SATB1: variants seen among roughly 807,000 people sequenced by gnomAD.
SATB1 encodes the protein SATB homeobox 1.
A neutral mutation model predicts 86.9 loss-of-function variants in SATB1; 11 were observed. That is an observed-to-expected ratio of 0.13 (90% CI 0.08 to 0.21). The LOEUF (loss-of-function observed/expected upper bound fraction) is 0.21, where lower values mean the gene tolerates loss of function less well. SATB1 is among the 10% of genes least tolerant of loss of function. SATB1 has a pLI of 1.00. For missense variants in SATB1, 551 were observed against 937.6 expected, an observed-to-expected ratio of 0.59 and a Z score of 5.39; for synonymous variants, 357 against 357.2, an observed-to-expected ratio of 1.00 and a Z score of 0.01.
intron 9 of SATB1, among the ~76,000 whole-genome samples, chr3:18,367,585 A>G (rs9841621): frequency 0.11 from 17,243 of 152,100 alleles, 2,101 homozygotes; most frequent in African/African-American, 0.29. Flanking sequence ...GGAAGGGTCC[A>G]TAAATAAATA....
rs1188680694 is a variant in SATB1 at position 18,443,959 on chromosome 3, G to A, written c.-25+1559C>T. Among the ~76,000 whole-genome samples, 2 of 152,136 alleles carry A rather than the reference G, an allele frequency of 1.3e-5. No homozygotes were observed. Among genetic ancestry groups the A allele is most frequent in the East Asian group, 1.9e-4 (1 of 5,170 alleles). ...AGGAGTGCCGCGGCTTTCAAACTCC[G>A]GGCTCCAACTTGAGCGCCCCGGCGC... On this transcript the variant is annotated intron_variant, in intron 1 of 3. Coordinates refer to the SATB1 transcript ENST00000415069. The surrounding 1 kb of genome is among the most constrained non-coding windows in gnomAD (Gnocchi z 4.4).
At chr3:18,417,401 T>C in intron 2 of SATB1, 3 of 559,158 alleles carry the variant, frequency 5.4e-6, no homozygotes, top group Middle Eastern at 4.6e-4. Flanking sequence ...GAAAGAGAAA[T>C]AAATGTATCT....
At chr3:18,350,544 AGTGGCAAAATAT>A (rs1694298541) in intron 10 of SATB1, 1 of 152,350 alleles carries the variant, frequency 6.6e-6, no homozygotes, top group Non-Finnish European at 1.5e-5. Flanking sequence ...AATCAACCTA[AGTGGCAAAATAT>A]TAGAATGCTG....
chr3:18,382,084 G>C (rs1385661951), intron 8 of SATB1, among the ~76,000 whole-genome samples: 1 of 152,120 alleles, frequency 6.6e-6, no homozygotes, highest in Non-Finnish European at 1.5e-5. Context: ...AACTGAACCT[G>C]AAATCAAGAT....
chr3:18,430,084 C>G (rs56378645), upstream of SATB1, among the ~76,000 whole-genome samples: 1 of 152,016 alleles, frequency 6.6e-6, no homozygotes, highest in African/African-American at 2.4e-5. Context: ...GATTTAATTC[C>G]TCATTCACAT....
At chr3:18,430,148 A>G (rs1332017650), upstream of SATB1, among the ~76,000 whole-genome samples, 2 of 152,294 alleles carry the variant, frequency 1.3e-5, no homozygotes, top group African/African-American at 4.8e-5. Context: ...GACAGTGTAG[A>G]TTACAGAACA....
rs759325476 is a variant in SATB1, at chr3:18,416,888, T to C, written c.388+14A>G. 2 of 1,588,644 alleles carry C rather than the reference T, an allele frequency of 1.3e-6. No homozygotes were observed. Among genetic ancestry groups the C allele is most frequent in the Non-Finnish European group, 1.7e-6 (2 of 1,169,120 alleles). ...GCTAAGCAATTTTTCCAACCCCACG[T>C]ACACATTATTTACCTTTGGCCTGGG... On this transcript the variant is annotated intron_variant, in intron 3 of 10. Coordinates refer to ENST00000338745, the MANE Select transcript of SATB1 (RefSeq NM_002971.6).
At chr3:18,434,154 AAATT>A (rs1416494356) in intron 2 of SATB1, among the ~76,000 whole-genome samples, 1 of 152,086 alleles carries the variant, frequency 6.6e-6, no homozygotes, top group Non-Finnish European at 1.5e-5. Flanking sequence ...TATTTAATAA[AAATT>A]AACCTCTCAT....
chr3:18,438,340 A>G (rs1294070143), intron 1 of SATB1, among the ~76,000 whole-genome samples: 1 of 152,182 alleles, frequency 6.6e-6, no homozygotes, highest in Non-Finnish European at 1.5e-5. Flanking sequence ...ATATTTCAAG[A>G]AGGTCTAATA....
chr3:18,410,512 G>A (rs1417945370), intron 5 of SATB1, among the ~76,000 whole-genome samples: 2 of 151,974 alleles, frequency 1.3e-5, no homozygotes, highest in African/African-American at 4.8e-5. Flanking sequence ...ATCCTACTTA[G>A]GGGGACCAAA....
At position 18,352,460 on chromosome 3, in the gene SATB1, T is replaced by C. The variant is rs955746188; in HGVS notation, c.1576-265A>G. On this transcript the variant is annotated intron_variant, in intron 9 of 10. Transcript: ENST00000338745. The surrounding 1 kb of genome is among the most constrained non-coding windows in gnomAD (Gnocchi z 4.1). ...GACTCTGAGGGTAACAGAGCATTTA[T>C]CACAGATTTTTTAATATATGAAATA... 13 of 394,200 alleles carry C rather than the reference T, an allele frequency of 3.3e-5. No individual in the cohort carries two copies. Among genetic ancestry groups the C allele is most frequent in the Non-Finnish European group, 5.1e-5 (11 of 215,394 alleles). The allele number at this position is 394,200 out of a possible 1,614,324, so 24.4% of individuals were successfully genotyped here.
In SATB1 at chr3:18,394,270, C is replaced by G. The variant is rs1696840246; in HGVS notation, c.1206+192G>C. Among the ~76,000 whole-genome samples, 1 of 152,084 alleles carries G rather than the reference C, an allele frequency of 6.6e-6. No homozygotes were observed. The highest frequency in any genetic ancestry group is 2.1e-4 in the South Asian group (1 of 4,824). Reference sequence around the variant, plus strand: ...TTGGGATCAATCTGCACATAGGTTCCCTTGATTCAGAAGTATATCATAGGA... The same window carrying G: ...TTGGGATCAATCTGCACATAGGTTCGCTTGATTCAGAAGTATATCATAGGA... On this transcript the variant is annotated intron_variant, in intron 7 of 10. Transcript: ENST00000338745. This position sits in a 1 kb window ranked among gnomAD's most constrained non-coding sequence, Gnocchi z 5.9.
rs1230816411 is a variant in SATB1 at position 18,444,027 on chromosome 3, G to A, written c.-25+1491C>T. ...TGCAGAAGTTGCCACAAACTTCCCAGGCCCCTCTTCGCCGATGCTTACAAT... is the reference window on the plus strand; with the variant it reads ...TGCAGAAGTTGCCACAAACTTCCCAAGCCCCTCTTCGCCGATGCTTACAAT... On this transcript the variant is annotated intron_variant, in intron 1 of 3. Transcript: ENST00000415069. This position sits in a 1 kb window ranked among gnomAD's most constrained non-coding sequence, Gnocchi z 5.1. Among the ~76,000 whole-genome samples the A allele has an allele frequency of 6.6e-6, 1 of 152,136 alleles. No individual in the cohort carries two copies. Among genetic ancestry groups the A allele is most frequent in the Non-Finnish European group, 1.5e-5 (1 of 68,030 alleles).
intron 9 of SATB1, among the ~76,000 whole-genome samples, chr3:18,376,376 T>C (rs898857164): frequency 2.0e-5 from 3 of 152,092 alleles, no homozygotes; most frequent in Admixed American, 6.6e-5. Context: ...ACCTTTACTA[T>C]AATACATGTC....
upstream of SATB1, among the ~76,000 whole-genome samples, chr3:18,443,220 C>T (rs1473837578): frequency 6.6e-6 from 1 of 152,178 alleles, no homozygotes; most frequent in African/African-American, 2.4e-5. The surrounding 1 kb of genome is among the most constrained non-coding windows in gnomAD (Gnocchi z 4.4). Context: ...TGACACCGAG[C>T]GGTAACATTT....
intron 9 of SATB1, among the ~76,000 whole-genome samples, chr3:18,361,271 C>T (rs1432146797): frequency 6.6e-6 from 1 of 152,084 alleles, no homozygotes; most frequent in Non-Finnish European, 1.5e-5. Flanking sequence ...GTTCGCTAAA[C>T]CTCAATTTTC....
Position 18,415,183 on chromosome 3 carries a change from C to T in SATB1, c.567G>A (p.Val189=). Reference sequence around the variant, plus strand: ...TCAGTAAGTCCTTCAGAGCATTCCTCACTGTGGTGTGCGACCATTGTTCGG... The same window carrying T: ...TCAGTAAGTCCTTCAGAGCATTCCTTACTGTGGTGTGCGACCATTGTTCGG... ...LPPEQWSHTT[V]RNALKDLLKD... Residue 189 remains valine, a synonymous_variant, in exon 5 of 11, where the codon GTG becomes GTA. Coordinates refer to ENST00000338745, the MANE Select transcript of SATB1 (RefSeq NM_002971.6). 3 of 1,613,048 alleles carry T rather than the reference C, an allele frequency of 1.9e-6. No individual in the cohort carries two copies. The highest frequency in any genetic ancestry group is 2.5e-6 in the Non-Finnish European group (3 of 1,179,254).
At position 18,349,333 on chromosome 3, in the gene SATB1, G is replaced by C. The variant is rs368050701; in HGVS notation, c.2129C>G (p.Ser710Cys). ...TTCTGCCACATCGACCTCTAAACCG[G>C]AATTGTCCTTCAGTTTGCCGTGGTG... ...LKHHGKLKDN[S>C]GLEVDVAEYK... is the part of the protein sequence containing the mutation. The change falls in exon 11 of 11, where the codon TCC becomes TGC. Residue 710 changes from serine to cysteine, a missense_variant. Physicochemically the swap from Ser to Cys is moderately radical, Grantham distance 112 (BLOSUM62 -1). Transcript: ENST00000338745. The surrounding 1 kb of genome is among the most constrained non-coding windows in gnomAD (Gnocchi z 5.5). 135 of 1,613,990 alleles carry C rather than the reference G, an allele frequency of 8.4e-5. No individual in the cohort carries two copies. Among genetic ancestry groups the C allele is most frequent in the Non-Finnish European group, 1.1e-4 (133 of 1,180,026 alleles).
chr3:18,390,762 G>C (rs1428818263), intron 7 of SATB1, among the ~76,000 whole-genome samples: 1 of 151,888 alleles, frequency 6.6e-6, no homozygotes, highest in Admixed American at 6.6e-5. Context: ...CAAGAGGAGG[G>C]GGAAGAAAAA....
Sources: gnomAD v4.1 joint callset for allele counts (sites outside exome capture counted in the v4.1 genomes callset) on GRCh38, gnomAD v4.1.1 for gene constraint, Gnocchi (gnomAD v3.1) non-coding constraint, MANE v1.5 for transcripts, NCBI Gene and HGNC (gene_info 2026-07-23, HGNC 2026-07-21) for gene names.